PIK3C2G: variants seen among roughly 807,000 people sequenced by gnomAD.
The protein encoded by PIK3C2G is phosphatidylinositol-4-phosphate 3-kinase catalytic subunit type 2 gamma.
A neutral mutation model predicts 181.1 loss-of-function variants in PIK3C2G; 168 were observed. The ratio of observed to expected loss-of-function variants is 0.93; its 90% CI spans 0.82 to 1.05. The LOEUF (loss-of-function observed/expected upper bound fraction) is 1.05. Among genes scored for constraint, PIK3C2G ranks in the 50% least tolerant of loss-of-function variants. The probability of loss-of-function intolerance (pLI) is 0.00; values close to 1 mark genes in which losing one functional copy is unlikely to be tolerated. For synonymous variants in PIK3C2G, 573 were observed against 592.2 expected (o/e 0.97, Z 0.47); for missense variants, 1,869 against 1,732.8 (o/e 1.08, Z -1.40).
chr12:18,380,002 C>T (rs770150814), intron 13 of PIK3C2G, among the ~76,000 whole-genome samples: 4 of 152,188 alleles, frequency 2.6e-5, no homozygotes, highest in Admixed American at 6.5e-5. Flanking sequence ...AATCACATGA[C>T]GCCAAGTTTA....
the PIK3C2G span, chr12:18,714,785 G>C: frequency 5.3e-5 from 8 of 152,168 alleles, no homozygotes; most frequent in East Asian, 1.4e-3. Context: ...GCATCTAGCA[G>C]GTAACGGTCA....
At chr12:18,488,881 G>T (rs542626732) in intron 19 of PIK3C2G, among the ~76,000 whole-genome samples, 2 of 152,100 alleles carry the variant, frequency 1.3e-5, no homozygotes, top group South Asian at 4.2e-4. Flanking sequence ...AAAGACCAAC[G>T]TATAGGCAGT....
At chr12:18,274,918 A>C (rs1948917749) in intron 1 of PIK3C2G, among the ~76,000 whole-genome samples, 1 of 152,174 alleles carries the variant, frequency 6.6e-6, no homozygotes, top group South Asian at 2.1e-4. Context: ...TATGTCCCTC[A>C]TCTGTCTGAG....
chr12:18,271,131 A>G (rs988395780), intron 1 of PIK3C2G, among the ~76,000 whole-genome samples: 1 of 152,102 alleles, frequency 6.6e-6, no homozygotes, highest in African/African-American at 2.4e-5. Flanking sequence ...ATTCTTCTAT[A>G]TGGCTGTTGA....
the PIK3C2G span, among the ~76,000 whole-genome samples, chr12:18,700,721 C>T: frequency 6.6e-6 from 1 of 152,030 alleles, no homozygotes; most frequent in African/African-American, 2.4e-5. Context: ...AAATCCCTTT[C>T]ACTGAACTTT....
chr12:18,373,694 A>G (rs1386756000), intron 13 of PIK3C2G, among the ~76,000 whole-genome samples: 1 of 152,062 alleles, frequency 6.6e-6, no homozygotes, highest in Non-Finnish European at 1.5e-5. Flanking sequence ...CTAAAAAAAT[A>G]CAAAAAAAAT....
intron 32 of PIK3C2G, among the ~76,000 whole-genome samples, chr12:18,644,456 C>T (rs1950009865): frequency 6.6e-6 from 1 of 151,996 alleles, no homozygotes; most frequent in Non-Finnish European, 1.5e-5. Context: ...ATATTGTAAC[C>T]TTTTCTTATA....
chr12:18,649,298 C>T (rs373987364), downstream of PIK3C2G, among the ~76,000 whole-genome samples: 8 of 152,202 alleles, frequency 5.3e-5, no homozygotes, highest in East Asian at 1.6e-3. Flanking sequence ...ATTCCATGTT[C>T]CACCTCTCTG....
intron 14 of PIK3C2G, among the ~76,000 whole-genome samples, chr12:18,384,122 T>C (rs370013688): frequency 1.2e-4 from 18 of 151,818 alleles, no homozygotes; most frequent in African/African-American, 4.3e-4. Flanking sequence ...GCACCCAGCC[T>C]GGACATTTAT....
At chr12:18,394,908 T>A (rs1943762627) in intron 15 of PIK3C2G, among the ~76,000 whole-genome samples, 1 of 151,880 alleles carries the variant, frequency 6.6e-6, no homozygotes, top group African/African-American at 2.4e-5. Context: ...ACAAATTTGA[T>A]TTAAAAAAAA....
the PIK3C2G span, among the ~76,000 whole-genome samples, chr12:18,672,123 A>G: frequency 2.0e-5 from 3 of 152,232 alleles, no homozygotes; most frequent in African/African-American, 4.8e-5. Flanking sequence ...AAGTGAATTT[A>G]AAGAGATTAT....
intron 5 of PIK3C2G, among the ~76,000 whole-genome samples, chr12:18,307,407 C>T (rs1458458311): frequency 6.6e-6 from 1 of 151,786 alleles, no homozygotes; most frequent in Admixed American, 6.6e-5. Flanking sequence ...GTATCACAGA[C>T]ATTCAGTTCA....
chr12:18,509,679 C>G (rs1942084891), intron 24 of PIK3C2G, among the ~76,000 whole-genome samples: 1 of 152,150 alleles, frequency 6.6e-6, no homozygotes. Flanking sequence ...GACACTCAGA[C>G]CAACTCTGAG....
intron 1 of PIK3C2G, among the ~76,000 whole-genome samples, chr12:18,252,344 C>T (rs1216048881): frequency 6.6e-6 from 1 of 152,090 alleles, no homozygotes; most frequent in African/African-American, 2.4e-5. Context: ...CACCCAAGAC[C>T]GCATAATCCA....
At chr12:18,669,802 C>T in the PIK3C2G span, among the ~76,000 whole-genome samples, 2,675 of 152,114 alleles carry the variant, frequency 0.018, 41 homozygotes, top group Middle Eastern at 0.054. Context: ...GGATTACAGG[C>T]GTGTGCCACC....
rs1940268849 is a variant in PIK3C2G at position 18,488,548 on chromosome 12, G to C, written c.2604G>C (p.Glu868Asp). 1 of 1,591,896 alleles carries C rather than the reference G, an allele frequency of 6.3e-7. No individual in the cohort carries two copies. Among genetic ancestry groups the C allele is most frequent in the Non-Finnish European group, 8.6e-7 (1 of 1,168,716 alleles). ...QFCAGKALND[E>D]FSKEQKLIKI... Reference sequence around the variant, plus strand: ...GTGCAGGTAAAGCCTTGAATGATGAGTTTTCCAAGGAGCAGAAACTTATCA... The same window carrying C: ...GTGCAGGTAAAGCCTTGAATGATGACTTTTCCAAGGAGCAGAAACTTATCA... Residue 868 changes from glutamate (E) to aspartate (D), a missense_variant, in exon 19 of 33, where the codon GAG (glutamate) becomes GAC (aspartate). Physicochemically the swap from Glu to Asp is conservative, Grantham distance 45. Transcript: ENST00000538779.
chr12:18,608,761 A>C (rs537490175), intron 30 of PIK3C2G, among the ~76,000 whole-genome samples: 2 of 152,178 alleles, frequency 1.3e-5, no homozygotes, highest in Non-Finnish European at 2.9e-5. Context: ...AAGAAGTTAC[A>C]ATACAAGGCT....
chr12:18,334,034 T>C (rs1186217197), intron 8 of PIK3C2G, among the ~76,000 whole-genome samples: 2 of 152,170 alleles, frequency 1.3e-5, no homozygotes, highest in East Asian at 1.9e-4. Context: ...TATTAGCATA[T>C]GGCTCCTTCA....
intron 4 of PIK3C2G, among the ~76,000 whole-genome samples, chr12:18,292,227 A>AAAAT: frequency 1.1e-3 from 52 of 48,726 alleles, no homozygotes; most frequent in African/African-American, 1.8e-3. Flanking sequence ...AAAAAAAAAA[A>AAAAT]ATATATATAT....
Sources: allele counts gnomAD v4.1 joint callset (sites outside exome capture counted in the v4.1 genomes callset), GRCh38; gene constraint gnomAD v4.1.1; transcripts MANE v1.5; gene names NCBI Gene and HGNC (gene_info 2026-07-23, HGNC 2026-07-21).